The following OGFOD1 variants were observed in gnomAD, a reference collection of about 807,000 sequenced individuals.
The protein encoded by OGFOD1 is prolyl 3-hydroxylase OGFOD1.
In OGFOD1, 54 loss-of-function variants were observed where a neutral mutation model predicts 67.7. The ratio of observed to expected loss-of-function variants is 0.80; its 90% CI spans 0.64 to 1.00. The LOEUF (loss-of-function observed/expected upper bound fraction) is 1.00. OGFOD1 is among the 50% of genes least tolerant of loss of function. OGFOD1 has a pLI of 0.00. For missense variants in OGFOD1, 606 were observed against 646.7 expected, an observed-to-expected ratio of 0.94 and a Z score of 0.68; for synonymous variants, 221 against 227.0, an observed-to-expected ratio of 0.97 and a Z score of 0.24.
rs766124030 is a variant in OGFOD1 at position 56,462,558 on chromosome 16, G to A, written c.372G>A (p.Arg124=). 6.2e-6 allele frequency: 10 copies of A among 1,612,356 alleles called. No homozygotes were observed. The Admixed American group carries it at 1.7e-4, about 27-fold the overall frequency. Residue 124 remains arginine, a synonymous_variant, in exon 4 of 13, where the codon CGG becomes CGA. Coordinates refer to ENST00000566157, the MANE Select transcript of OGFOD1 (RefSeq NM_018233.4). The part of the protein sequence containing the change: ...TLRKILFEDF[R]SWLSDISKID... Reference sequence around the variant, plus strand: ...GGAAAATTCTGTTTGAAGATTTCCGGTCCTGGCTTTCTGATATTTCTAAAA... The same window carrying A: ...GGAAAATTCTGTTTGAAGATTTCCGATCCTGGCTTTCTGATATTTCTAAAA...
chr16:56,456,270 G>C (rs1962519361), intron 2 of OGFOD1, among the ~76,000 whole-genome samples: 1 of 151,964 alleles, frequency 6.6e-6, no homozygotes, highest in South Asian at 2.1e-4. Context: ...AGCTTCCTTT[G>C]CTAGGTTTTC....
In OGFOD1 at chr16:56,475,524, G is replaced by T; in HGVS notation, c.1426G>T (p.Gly476Cys). The change falls in exon 12 of 13, where the codon GGC (glycine) becomes TGC (cysteine). Residue 476 changes from glycine (G) to cysteine (C), a missense_variant. Coordinates refer to ENST00000566157, the MANE Select transcript of OGFOD1 (RefSeq NM_018233.4). ...CTTGTAAGGCTGGGAGCCAGAATAT[G>T]GCGGTTTTACTTCTTACATTGCCAA... ...CGCEGWEPEYGGFTSYIAKGE... is the reference protein window; with the variant it reads ...CGCEGWEPEYCGFTSYIAKGE... The T allele has an allele frequency of 6.2e-7, 1 of 1,614,048 alleles. No individual in the cohort carries two copies. Among genetic ancestry groups the T allele is most frequent in the South Asian group, 1.1e-5 (1 of 91,062 alleles).
chr16:56,458,832 C>T (rs552915004), intron 3 of OGFOD1: 1 of 488,644 alleles, frequency 2.0e-6, no homozygotes, highest in African/African-American at 1.9e-5. Flanking sequence ...AATGCTCAAT[C>T]TTGTTAGTAA....
chr16:56,456,178 T>C (rs997314991), intron 2 of OGFOD1, among the ~76,000 whole-genome samples: 2 of 152,206 alleles, frequency 1.3e-5, no homozygotes, highest in African/African-American at 4.8e-5. Flanking sequence ...CACTCCTTCC[T>C]CCTGGAGACT....
Position 56,466,135 on chromosome 16 carries a change from C to T in OGFOD1, c.449-17C>T, listed in dbSNP as rs373211942. ...CACTATCTGCAGGGATCTAAGGTGT[C>T]CATTAAACTATTGCAGATGCCCTGC... is the stretch of plus-strand genomic sequence containing the variant. On this transcript the variant is annotated splice_polypyrimidine_tract_variant and intron_variant, in intron 4 of 12. Coordinates refer to ENST00000566157, the MANE Select transcript of OGFOD1 (RefSeq NM_018233.4). The T allele has an allele frequency of 2.5e-6, 4 of 1,583,228 alleles. No homozygotes were observed. In the African/African-American group the frequency reaches 5.4e-5, roughly 21 times the overall value.
chr16:56,475,375 A>G, intron 11 of OGFOD1, 132 bp from the exon 12 acceptor site: 1 of 819,030 alleles, frequency 1.2e-6, no homozygotes, highest in Admixed American at 2.1e-5. Context: ...TCAAGCTCAT[A>G]AGTCATAGAA....
Position 56,478,325 on chromosome 16 carries a change from A to G in OGFOD1, c.*2120A>G, listed in dbSNP as rs1963566272. 1 of 151,892 alleles carries G rather than the reference A, an allele frequency of 6.6e-6. No homozygotes were observed. The highest frequency in any genetic ancestry group is 2.4e-5 in the African/African-American group (1 of 41,346). 9.4% of individuals were successfully genotyped at this position (151,892 alleles called of 1,614,324 possible). On this transcript the variant is annotated 3_prime_UTR_variant, in exon 13 of 13. Coordinates refer to ENST00000566157, the MANE Select transcript of OGFOD1 (RefSeq NM_018233.4). ...AGGCACCTGCCTCCATACCCAGCTA[A>G]TTTTTTTATATTTTTAGTAGAGACA...
intron 2 of OGFOD1, 79 bp downstream of exon 2, chr16:56,453,487 G>A: frequency 6.9e-7 from 1 of 1,454,850 alleles, no homozygotes; most frequent in Non-Finnish European, 9.3e-7. Context: ...CTTTAGACTT[G>A]AGGTTTTAGG....
rs1567550499 is a variant in OGFOD1 at position 56,466,883 on chromosome 16, T to G, written c.573T>G (p.Phe191Leu). Residue 191 changes from phenylalanine to leucine, a missense_variant, in exon 6 of 13, where the codon TTT becomes TTG. Phe to Leu is a conservative substitution (Grantham distance 22). Coordinates refer to ENST00000566157, the MANE Select transcript of OGFOD1 (RefSeq NM_018233.4). ...TGTTCTTTCCTGGTGCAGAACACTT[T>G]CAGCCGAAGCAGATTGTCAAGTCTC... Reference protein sequence around the residue: ...TLDLYSIDEHFQPKQIVKSLI... With the variant: ...TLDLYSIDEHLQPKQIVKSLI... 6.2e-7 allele frequency: 1 copy of G among 1,612,622 alleles called. No individual in the cohort carries two copies. The highest frequency in any genetic ancestry group is 8.5e-7 in the Non-Finnish European group (1 of 1,178,632).
At position 56,478,975 on chromosome 16, in the gene OGFOD1, T is replaced by C. The variant is rs547942050; in HGVS notation, c.*2770T>C. Reference sequence around the variant, plus strand: ...GTTTGTTTTCCTTATAGTACTTCATTTTGCATCTTGATTGCTTTTTAGGGC... The same window carrying C: ...GTTTGTTTTCCTTATAGTACTTCATCTTGCATCTTGATTGCTTTTTAGGGC... On this transcript the variant is annotated 3_prime_UTR_variant, in exon 13 of 13. Transcript: ENST00000566157. The C allele has an allele frequency of 3.9e-5, 6 of 152,308 alleles. No individual in the cohort carries two copies. Among genetic ancestry groups the C allele is most frequent in the African/African-American group, 7.2e-5 (3 of 41,564 alleles). 9.4% of individuals were successfully genotyped at this position (152,308 alleles called of 1,614,324 possible).
intron 3 of OGFOD1, among the ~76,000 whole-genome samples, chr16:56,459,548 G>A (rs1389410351): frequency 6.6e-6 from 1 of 152,164 alleles, no homozygotes; most frequent in Non-Finnish European, 1.5e-5. Flanking sequence ...ACACATGAAT[G>A]TGGTAGTTAT....
At chr16:56,461,517 A>T (rs192684389) in intron 3 of OGFOD1, among the ~76,000 whole-genome samples, 4 of 152,216 alleles carry the variant, frequency 2.6e-5, no homozygotes, top group Non-Finnish European at 4.4e-5. Flanking sequence ...CTAGTAAATT[A>T]TCAAACCCAA....
chr16:56,476,176 TG>T lies in OGFOD1; in HGVS notation c.1603del (p.Asp535ThrfsTer15). 1 of 1,612,536 alleles carries T rather than the reference TG, an allele frequency of 6.2e-7. No homozygotes were observed. The highest frequency in any genetic ancestry group is 1.1e-5 in the South Asian group (1 of 90,966). On this transcript the variant is annotated frameshift_variant, in exon 13 of 13. Transcript: ENST00000566157. LOFTEE classifies it high-confidence loss of function. ...AACCTTCCCAAACAGAACAGGTTTC[TG>T]GGACTTTTCATTCATCTATTATGAA... ...KKTFPNRTGF[W>X]DFSFIYYE
At chr16:56,475,040 G>A in intron 11 of OGFOD1, 90 bp downstream of exon 11, 1 of 1,379,194 alleles carries the variant, frequency 7.3e-7, no homozygotes, top group Non-Finnish European at 1.0e-6. Flanking sequence ...CAATTCATAA[G>A]TAATTTGCCT....
chr16:56,467,212 C>G lies in OGFOD1; in HGVS notation c.705C>G (p.Gly235=). The G allele has an allele frequency of 6.2e-7, 1 of 1,614,112 alleles. No homozygotes were observed. The highest frequency in any genetic ancestry group is 1.3e-5 in the African/African-American group (1 of 75,024). Residue 235 remains glycine, a synonymous_variant, in exon 7 of 13, where the codon GGC becomes GGG. Transcript: ENST00000566157. Reference sequence around the variant, plus strand: ...AAAAGTCACGTTTGTCTATAAGTGGCTGGTTTCATGGTCCATCATTGACTC... The same window carrying G: ...AAAAGTCACGTTTGTCTATAAGTGGGTGGTTTCATGGTCCATCATTGACTC... The part of the protein sequence containing the change: ...SEEKSRLSIS[G]WFHGPSLTRP...
At chr16:56,465,424 CCCTT>C (rs1265646485) in intron 4 of OGFOD1, among the ~76,000 whole-genome samples, 3 of 152,186 alleles carry the variant, frequency 2.0e-5, no homozygotes. Context: ...ATTTGTAACT[CCCTT>C]CTTGAACAGT....
intron 2 of OGFOD1, among the ~76,000 whole-genome samples, chr16:56,457,599 C>CTTTTT (rs11374664): frequency 6.6e-6 from 1 of 151,352 alleles, no homozygotes; most frequent in Non-Finnish European, 1.5e-5. Context: ...ACTCCAATGA[C>CTTTTT]TTTTTTTTTC....
chr16:56,461,196 C>T lies in OGFOD1; in HGVS notation c.348-1338C>T, dbSNP rs972190553. Among the ~76,000 whole-genome samples the T allele has an allele frequency of 2.0e-5, 3 of 152,164 alleles. No individual in the cohort carries two copies. The South Asian group carries it at 6.2e-4, about 32-fold the overall frequency. On this transcript the variant is annotated intron_variant, in intron 3 of 12. Coordinates refer to ENST00000566157, the MANE Select transcript of OGFOD1 (RefSeq NM_018233.4). The stretch of plus-strand genomic sequence containing the variant: ...CTTGGTCTCTATTCCTGGCACAGAC[C>T]TCTCTGACCTCCTGCAAGGGAAGAG...
At position 56,476,226 on chromosome 16, in the gene OGFOD1, CAA is replaced by C. The variant is rs1159869159; in HGVS notation, c.*25_*26del. ...AATGACAGCACTGGGCAAAGCTGAACAAAAATGTGACCCTTCGTAATTACTGG... is the reference window on the plus strand; with the variant it reads ...AATGACAGCACTGGGCAAAGCTGAACAAATGTGACCCTTCGTAATTACTGG... On this transcript the variant is annotated 3_prime_UTR_variant, in exon 13 of 13. Transcript: ENST00000566157. 2 of 1,598,820 alleles carry C rather than the reference CAA, an allele frequency of 1.3e-6. No individual in the cohort carries two copies.
Sources: allele counts gnomAD v4.1 joint callset (sites outside exome capture counted in the v4.1 genomes callset), GRCh38; gene constraint gnomAD v4.1.1; transcripts MANE v1.5; gene names NCBI Gene and HGNC (gene_info 2026-07-23, HGNC 2026-07-21).